ZC3H13: variants seen among roughly 807,000 people sequenced by gnomAD.
ZC3H13 encodes the protein zinc finger CCCH domain-containing protein 13.
ZC3H13 carries 64 observed loss-of-function variants against 204.1 expected under a neutral mutation model. The ratio of observed to expected loss-of-function variants is 0.31; its 90% CI spans 0.26 to 0.39. The LOEUF (loss-of-function observed/expected upper bound fraction) is 0.39. Ranked by LOEUF, ZC3H13 falls within the 10% of genes least tolerant of loss-of-function variation. The pLI is 1.00. For missense variants in ZC3H13, 1,833 were observed against 2,082.7 expected, an observed-to-expected ratio of 0.88 and a Z score of 2.33; for synonymous variants, 667 against 693.7, an observed-to-expected ratio of 0.96 and a Z score of 0.60.
intron 5 of ZC3H13, among the ~76,000 whole-genome samples, chr13:46,018,209 AACAAGT>A (rs1448066512): frequency 6.6e-6 from 1 of 152,116 alleles, no homozygotes; most frequent in Non-Finnish European, 1.5e-5. Context: ...TTAGGATAGT[AACAAGT>A]ACATCTCCAT....
rs754743826 is a variant in ZC3H13 at position 46,011,495 on chromosome 13, G to A, written c.508C>T (p.Arg170Cys). 6 of 1,593,760 alleles carry A rather than the reference G, an allele frequency of 3.8e-6. No individual in the cohort carries two copies. Among genetic ancestry groups the A allele is most frequent in the South Asian group, 1.1e-5 (1 of 88,166 alleles). Residue 170 changes from arginine (R) to cysteine (C), a missense_variant, in exon 6 of 19, where the codon CGT becomes TGT. By Grantham distance (180) the Arg-to-Cys change is radical. Transcript: ENST00000679008. ...YVHELSLEMK[R>C]QKIQRELMKL... ...ATTAATTCCCTCTGTATCTTCTGAC[G>A]CTTCATTTCCAATGACAATTCATGA...
chr13:46,021,319 G>T (rs1402105986), intron 4 of ZC3H13, among the ~76,000 whole-genome samples: 1 of 151,912 alleles, frequency 6.6e-6, no homozygotes, highest in Non-Finnish European at 1.5e-5. Context: ...TCAATTAAAT[G>T]TCCTATTACA....
chr13:45,974,048 C>T (rs1482570105), intron 12 of ZC3H13, among the ~76,000 whole-genome samples: 2 of 152,186 alleles, frequency 1.3e-5, no homozygotes, highest in Non-Finnish European at 2.9e-5. Context: ...CTGTATTCGC[C>T]CTGTGGCAAA....
chr13:46,018,045 T>G (rs2042014556), intron 5 of ZC3H13, among the ~76,000 whole-genome samples: 1 of 152,078 alleles, frequency 6.6e-6, no homozygotes, highest in Admixed American at 6.6e-5. Flanking sequence ...GAATCAACAT[T>G]TAAGGGGCAC....
chr13:46,001,152 G>C (rs771378034), intron 8 of ZC3H13: 9 of 152,168 alleles, frequency 5.9e-5, no homozygotes, highest in Non-Finnish European at 1.0e-4. Context: ...GAGACACAAA[G>C]TGAGCACATG....
chr13:46,011,037 A>G (rs1480842306), intron 6 of ZC3H13, among the ~76,000 whole-genome samples: 1 of 152,228 alleles, frequency 6.6e-6, no homozygotes, highest in Non-Finnish European at 1.5e-5. Flanking sequence ...ATAAAATTTC[A>G]AAATCTCCTC....
chr13:45,989,144 T>C (rs1258164087), intron 8 of ZC3H13, 47 bp from the exon 9 acceptor site: 3 of 1,537,960 alleles, frequency 2.0e-6, no homozygotes, highest in Non-Finnish European at 2.6e-6. Flanking sequence ...AAGAGCTTCA[T>C]TTCTAGCCAA....
In ZC3H13 at chr13:45,969,239, G is replaced by T; in HGVS notation, c.3305C>A (p.Pro1102His). ...STPSPLSSLL[P>H]PPPPVATATA... The stretch of plus-strand genomic sequence containing the variant: ...GGCAGTAGCCACAGGCGGTGGAGGA[G>T]GAAGAAGAGAAGATAGAGGAGAAGG... Residue 1102 changes from proline to histidine, a missense_variant, in exon 14 of 19, where the codon CCT becomes CAT. Coordinates refer to ENST00000679008, the MANE Select transcript of ZC3H13 (RefSeq NM_001330564.2). The T allele has an allele frequency of 2.5e-6, 4 of 1,614,084 alleles. No individual in the cohort carries two copies. Among genetic ancestry groups the T allele is most frequent in the Non-Finnish European group, 3.4e-6 (4 of 1,179,998 alleles).
In ZC3H13 at chr13:45,979,458, G is replaced by T. The variant is rs1953359740; in HGVS notation, c.1912+355C>A. Among the ~76,000 whole-genome samples, 6 of 152,166 alleles carry T rather than the reference G, an allele frequency of 3.9e-5. No homozygotes were observed. In the South Asian group the frequency reaches 1.2e-3, roughly 32 times the overall value. On this transcript the variant is annotated intron_variant, in intron 11 of 18. Transcript: ENST00000679008. ...TCATAGCAAATGAGTGAGTAGACAG[G>T]ATACTCAGATGTAAAGGTTTAGGTA...
At position 45,975,872 on chromosome 13, in the gene ZC3H13, T is replaced by C. The variant is rs1952999423; in HGVS notation, c.1913-34A>G. The C allele has an allele frequency of 5.0e-6, 8 of 1,596,238 alleles. No homozygotes were observed. In the East Asian group the frequency reaches 1.3e-4, roughly 27 times the overall value. On this transcript the variant is annotated intron_variant, in intron 11 of 18. Transcript: ENST00000679008. ...AAAATCAAGTTTTGTCAGTGATTAA[T>C]TTGACAGATAACCTATTGGTAAGAC...
chr13:46,023,182 C>T (rs1463042645), intron 4 of ZC3H13, among the ~76,000 whole-genome samples: 1 of 152,100 alleles, frequency 6.6e-6, no homozygotes, highest in African/African-American at 2.4e-5. Context: ...CAACCTCCTA[C>T]CCTATGCAGA....
At chr13:46,039,414 T>C (rs1403494641) in intron 4 of ZC3H13, among the ~76,000 whole-genome samples, 1 of 152,230 alleles carries the variant, frequency 6.6e-6, no homozygotes, top group African/African-American at 2.4e-5. Flanking sequence ...TACCATTTAT[T>C]ACGCATGTGT....
chr13:45,972,896 T>C (rs768704042), intron 12 of ZC3H13, among the ~76,000 whole-genome samples: 1 of 152,232 alleles, frequency 6.6e-6, no homozygotes, highest in Non-Finnish European at 1.5e-5. Context: ...GAGTTTAGAC[T>C]ACTGAAGGCC....
intron 8 of ZC3H13, among the ~76,000 whole-genome samples, chr13:45,997,987 A>G (rs1483554597): frequency 6.6e-6 from 1 of 152,238 alleles, no homozygotes; most frequent in Non-Finnish European, 1.5e-5. Flanking sequence ...GCTTTAGAAC[A>G]GGTATTTAAG....
At chr13:46,038,183 C>T (rs75158053) in intron 4 of ZC3H13, among the ~76,000 whole-genome samples, 20 of 151,810 alleles carry the variant, frequency 1.3e-4, no homozygotes, top group Non-Finnish European at 2.2e-4. Context: ...CTCACGTCCA[C>T]GTTATCATTT....
chr13:45,978,347 C>T (rs1249900342), intron 11 of ZC3H13, among the ~76,000 whole-genome samples: 3 of 151,990 alleles, frequency 2.0e-5, no homozygotes, highest in East Asian at 1.9e-4. Flanking sequence ...ATTCATTAGC[C>T]TCCAAAATAT....
intron 8 of ZC3H13, among the ~76,000 whole-genome samples, chr13:45,989,880 G>C (rs569587514): frequency 6.6e-6 from 1 of 152,242 alleles, no homozygotes; most frequent in East Asian, 1.9e-4. Flanking sequence ...GAAGCAGCAG[G>C]AAATAATGTT....
Position 45,985,304 on chromosome 13 carries a change from A to T in ZC3H13, c.1713T>A (p.Pro571=). 2 of 1,610,172 alleles carry T rather than the reference A, an allele frequency of 1.2e-6. No individual in the cohort carries two copies. The highest frequency in any genetic ancestry group is 1.7e-6 in the Non-Finnish European group (2 of 1,178,226). Residue 571 remains proline (P), a synonymous_variant, in exon 10 of 19, where the codon CCT becomes CCA. Transcript: ENST00000679008. ...ACAAGTCAAAAACCTTACCCTTTTC[A>T]GGTAACTCAGGAACCCTCCCCCTAC... ...GRSRGRVPEL[P]EKGSRGSRGS... is the part of the protein sequence containing the mutation.
chr13:45,963,653 CTCTTCTTCTCA>C, intron 17 of ZC3H13, 178 bp downstream of exon 17: 6 of 1,411,128 alleles, frequency 4.3e-6, no homozygotes, highest in Non-Finnish European at 3.7e-6. Context: ...TGTGGGATAA[CTCTTCTTCTCA>C]AAATAAATTT....
Sources: gnomAD v4.1 joint callset for allele counts (sites outside exome capture counted in the v4.1 genomes callset) on GRCh38, gnomAD v4.1.1 for gene constraint, MANE v1.5 for transcripts, NCBI Gene and HGNC (gene_info 2026-07-23, HGNC 2026-07-21) for gene names.